Variants in EIF4G3 observed in about 807,000 individuals in gnomAD.
The protein encoded by EIF4G3 is eukaryotic translation initiation factor 4 gamma 3.
In EIF4G3, 34 loss-of-function variants were observed where a neutral mutation model predicts 186.4. The observed-to-expected ratio is 0.18, with a 90% CI of 0.14 to 0.24. The LOEUF (loss-of-function observed/expected upper bound fraction) is 0.24, where lower values mean the gene tolerates loss of function less well. Among genes scored for constraint, EIF4G3 ranks in the 10% least tolerant of loss-of-function variants. The pLI is 1.00. For synonymous variants in EIF4G3, 673 were observed against 679.5 expected (o/e 0.99, Z 0.15); for missense variants, 1,536 against 1,948.5 (o/e 0.79, Z 3.99).
chr1:20,840,444 G>A (rs571875532), intron 30 of EIF4G3, among the ~76,000 whole-genome samples: 1 of 152,308 alleles, frequency 6.6e-6, no homozygotes, highest in Non-Finnish European at 1.5e-5. Context: ...AATAACCATG[G>A]TTTATTGAAA....
chr1:20,890,470 C>A (rs954226502), intron 18 of EIF4G3, among the ~76,000 whole-genome samples: 2 of 149,940 alleles, frequency 1.3e-5, no homozygotes. Flanking sequence ...TGAGACAGAG[C>A]CTCACTCTGT....
chr1:20,879,662 TTAAAC>T, intron 19 of EIF4G3, 142 bp from the exon 20 acceptor site: 3 of 474,582 alleles, frequency 6.3e-6, no homozygotes, highest in South Asian at 7.8e-5. Flanking sequence ...ACAGAAATAA[TTAAAC>T]TAATCTATTT....
intron 2 of EIF4G3, among the ~76,000 whole-genome samples, chr1:21,091,948 T>A (rs1347116108): frequency 1.3e-5 from 2 of 152,182 alleles, no homozygotes; most frequent in African/African-American, 4.8e-5. Flanking sequence ...ACAGGGACAA[T>A]TTGACTTCCT....
intron 8 of EIF4G3, 35 bp from the exon 9 acceptor site, chr1:20,981,262 T>G (rs2077898636): frequency 6.8e-7 from 1 of 1,471,776 alleles, no homozygotes; most frequent in Non-Finnish European, 9.2e-7. Flanking sequence ...TTTTTTTTTT[T>G]TTTAACACAG....
intron 3 of EIF4G3, among the ~76,000 whole-genome samples, chr1:21,068,398 A>AAAAAAAAAAAAAAAAAAAAAAT: frequency 6.8e-6 from 1 of 147,314 alleles, no homozygotes; most frequent in Non-Finnish European, 1.5e-5. Context: ...AAAAAAAAAA[A>AAAAAAAAAAAAAAAAAAAAAAT]AACAGAATAC....
intron 2 of EIF4G3, among the ~76,000 whole-genome samples, chr1:21,124,131 A>G (rs544788462): frequency 1.3e-5 from 2 of 152,062 alleles, no homozygotes; most frequent in East Asian, 3.9e-4. Context: ...TCTCTACTAA[A>G]AATACAAAAA....
Position 21,050,909 on chromosome 1 carries a change from G to A in EIF4G3, c.-110C>T, listed in dbSNP as rs966399982. The A allele has an allele frequency of 3.2e-5, 23 of 713,686 alleles. No homozygotes were observed. Among genetic ancestry groups the A allele is most frequent in the South Asian group, 4.5e-5 (3 of 66,724 alleles). The allele number at this position is 713,686 out of a possible 1,614,324, so 44.2% of individuals were successfully genotyped here. A position where few individuals can be genotyped will look rare whatever the true frequency, so the allele number is the denominator to read the frequency against. On this transcript the variant is annotated 5_prime_UTR_variant, in exon 4 of 37. Coordinates refer to ENST00000602326, the MANE Select transcript of EIF4G3 (RefSeq NM_001391906.1). ...CGATGCATGTCCCGGGGGCGTTGCC[G>A]CAAGATTTGGATGCCCCTTGTTTAT...
At chr1:20,901,868 T>C (rs991580669) in intron 15 of EIF4G3, among the ~76,000 whole-genome samples, 27 of 152,332 alleles carry the variant, frequency 1.8e-4, no homozygotes, top group Middle Eastern at 3.4e-3. Context: ...GTAAACCTTT[T>C]ATAGGAATCT....
intron 20 of EIF4G3, among the ~76,000 whole-genome samples, chr1:20,866,318 A>C (rs2077554693): frequency 6.6e-6 from 1 of 152,224 alleles, no homozygotes; most frequent in South Asian, 2.1e-4. Context: ...TATTTGTACT[A>C]GAACTGATGG....
At chr1:21,084,543 A>G (rs577668724) in intron 3 of EIF4G3, among the ~76,000 whole-genome samples, 1 of 152,274 alleles carries the variant, frequency 6.6e-6, no homozygotes, top group South Asian at 2.1e-4. Context: ...GATTTAAGTA[A>G]GGACACAAAG....
intron 4 of EIF4G3, among the ~76,000 whole-genome samples, chr1:21,040,196 A>G (rs1457338810): frequency 1.3e-5 from 2 of 152,204 alleles, no homozygotes; most frequent in Non-Finnish European, 2.9e-5. Flanking sequence ...GAGAGGGGCT[A>G]AAGGTCAAGT....
intron 4 of EIF4G3, among the ~76,000 whole-genome samples, chr1:21,031,341 T>G (rs2092723295): frequency 7.1e-6 from 1 of 140,272 alleles, no homozygotes; most frequent in South Asian, 2.3e-4. Context: ...ACTAAAATTC[T>G]CAAACAATGA....
chr1:20,849,047 A>C (rs2072297512), intron 29 of EIF4G3, among the ~76,000 whole-genome samples: 1 of 90,736 alleles, frequency 1.1e-5, no homozygotes, highest in Non-Finnish European at 2.3e-5. Flanking sequence ...ACTCTGTCTC[A>C]AAAAAAAAAA....
intron 33 of EIF4G3, among the ~76,000 whole-genome samples, chr1:20,819,669 C>T (rs1007471000): frequency 1.3e-5 from 2 of 152,044 alleles, no homozygotes; most frequent in African/African-American, 2.4e-5. Flanking sequence ...GAACAACACA[C>T]ACGAACCTAT....
At chr1:20,911,560 C>CAAAAAAAAAAA (rs60071144) in intron 14 of EIF4G3, among the ~76,000 whole-genome samples, 2 of 40,698 alleles carry the variant, frequency 4.9e-5, no homozygotes, top group Non-Finnish European at 8.2e-5. Context: ...GACCCTGCCT[C>CAAAAAAAAAAA]AAAAAAAAAA....
chr1:20,972,987 A>G lies in EIF4G3; in HGVS notation c.591+15T>C, dbSNP rs1280102676. 1 of 1,573,606 alleles carries G rather than the reference A, an allele frequency of 6.4e-7. No homozygotes were observed. Among genetic ancestry groups the G allele is most frequent in the Non-Finnish European group, 8.6e-7 (1 of 1,162,080 alleles). On this transcript the variant is annotated intron_variant, in intron 11 of 36. Transcript: ENST00000602326. ...TTTAGATTTAAAATAAGAAAAAGTAATAAAAATCTCTTACAGTTTTTTTCT... is the reference window on the plus strand; with the variant it reads ...TTTAGATTTAAAATAAGAAAAAGTAGTAAAAATCTCTTACAGTTTTTTTCT...
intron 2 of EIF4G3, among the ~76,000 whole-genome samples, chr1:21,136,704 A>C (rs565935546): frequency 6.6e-4 from 101 of 152,318 alleles, no homozygotes; most frequent in African/African-American, 2.3e-3. Flanking sequence ...CAATACTGAT[A>C]GGTATTGCCT....
chr1:21,066,705 G>A (rs886444034), intron 3 of EIF4G3, among the ~76,000 whole-genome samples: 14 of 152,120 alleles, frequency 9.2e-5, no homozygotes, highest in African/African-American at 2.4e-4. Flanking sequence ...AAAACTGATC[G>A]TTCTATTCAT....
intron 8 of EIF4G3, among the ~76,000 whole-genome samples, chr1:20,981,762 A>G (rs10916916): frequency 0.42 from 50,309 of 118,754 alleles, 12,049 homozygotes; most frequent in Non-Finnish European, 0.48. Flanking sequence ...ATATGTATAC[A>G]CACATACTGT....
Sources: gnomAD v4.1 joint callset for allele counts (sites outside exome capture counted in the v4.1 genomes callset) on GRCh38, gnomAD v4.1.1 for gene constraint, MANE v1.5 for transcripts, NCBI Gene and HGNC (gene_info 2026-07-23, HGNC 2026-07-21) for gene names.